Variants in PTPRE observed in about 807,000 individuals in gnomAD.
The protein encoded by PTPRE is receptor-type tyrosine-protein phosphatase epsilon.
A neutral mutation model predicts 102.0 loss-of-function variants in PTPRE; 51 were observed. That is an observed-to-expected ratio of 0.50 (90% CI 0.40 to 0.63). The LOEUF (loss-of-function observed/expected upper bound fraction) is 0.63. Among genes scored for constraint, PTPRE ranks in the 30% least tolerant of loss-of-function variants. The pLI is 0.00. For synonymous variants in PTPRE, 345 were observed against 348.2 expected (o/e 0.99, Z 0.10); for missense variants, 752 against 915.1 (o/e 0.82, Z 2.30).
chr10:128,061,186 G>A (rs1796874615), intron 8 of PTPRE, among the ~76,000 whole-genome samples, 171 bp downstream of exon 8: 2 of 152,166 alleles, frequency 1.3e-5, no homozygotes, highest in Admixed American at 1.3e-4. Flanking sequence ...CAGCATCTGG[G>A]AATTTGAATT....
intron 2 of PTPRE, among the ~76,000 whole-genome samples, chr10:127,993,206 A>C (rs1184457081): frequency 6.6e-6 from 1 of 152,200 alleles, no homozygotes; most frequent in Non-Finnish European, 1.5e-5. Flanking sequence ...ATCCCCAGGA[A>C]AGGGTTTTCT....
chr10:127,907,351 A>T lies in PTPRE; in HGVS notation c.-31+42A>T. ...ACAGGGACCCTGCGCCCCTGTGGGGAACTGTGCACCCCGGGAGGCCCAAGC... is the reference window on the plus strand; with the variant it reads ...ACAGGGACCCTGCGCCCCTGTGGGGTACTGTGCACCCCGGGAGGCCCAAGC... On this transcript the variant is annotated intron_variant, in intron 1 of 20. Transcript: ENST00000254667. The surrounding 1 kb of genome is among the most constrained non-coding windows in gnomAD (Gnocchi z 4.8). The T allele has an allele frequency of 1.0e-6, 1 of 983,442 alleles. No individual in the cohort carries two copies. The highest frequency in any genetic ancestry group is 1.2e-6 in the Non-Finnish European group (1 of 829,196). 60.9% of individuals were successfully genotyped at this position (983,442 alleles called of 1,614,324 possible). A position where few individuals can be genotyped will look rare whatever the true frequency, so the allele number is the denominator to read the frequency against.
chr10:127,960,735 C>T (rs930807264), intron 1 of PTPRE, among the ~76,000 whole-genome samples: 7 of 152,168 alleles, frequency 4.6e-5, no homozygotes, highest in African/African-American at 1.7e-4. Context: ...TCAAAAAATA[C>T]AGAAACAGCC....
At chr10:128,011,538 A>C (rs1428201830) in intron 2 of PTPRE, among the ~76,000 whole-genome samples, 1 of 152,132 alleles carries the variant, frequency 6.6e-6, no homozygotes, top group Non-Finnish European at 1.5e-5. Context: ...CTGGCATAGC[A>C]CCCGGGCTTC....
At chr10:127,931,547 T>C (rs1443565425) in intron 1 of PTPRE, among the ~76,000 whole-genome samples, 1 of 152,248 alleles carries the variant, frequency 6.6e-6, no homozygotes, top group African/African-American at 2.4e-5. Flanking sequence ...TGAAGAGGGA[T>C]TTCCAAATGC....
intron 6 of PTPRE, 52 bp from the exon 7 acceptor site, chr10:128,056,071 G>C: frequency 5.0e-6 from 7 of 1,394,984 alleles, no homozygotes; most frequent in Non-Finnish European, 7.1e-6. Context: ...ACTGACATGA[G>C]CATGGTGCTT....
intron 19 of PTPRE, among the ~76,000 whole-genome samples, chr10:128,078,876 A>G (rs902389228): frequency 6.6e-6 from 1 of 152,234 alleles, no homozygotes; most frequent in Non-Finnish European, 1.5e-5. Context: ...ATTATGGAGC[A>G]CAGAGGGCAG....
intron 1 of PTPRE, among the ~76,000 whole-genome samples, chr10:127,970,411 C>CA (rs1233255918): frequency 6.6e-6 from 1 of 152,106 alleles, no homozygotes; most frequent in Admixed American, 6.5e-5. Context: ...AATGTCCTCC[C>CA]ACCCTCTACC....
chr10:127,936,507 A>G (rs75203043), intron 1 of PTPRE, among the ~76,000 whole-genome samples: 7,209 of 152,220 alleles, frequency 0.047, 260 homozygotes, highest in Middle Eastern at 0.078. Flanking sequence ...CAGAATTTCC[A>G]GGGCCTCAAC....
chr10:127,964,577 G>A (rs552337312), intron 1 of PTPRE, among the ~76,000 whole-genome samples: 5 of 137,828 alleles, frequency 3.6e-5, no homozygotes, highest in African/African-American at 1.2e-4. Flanking sequence ...TTTTTTTTTC[G>A]CCCTTGACTA....
chr10:128,028,418 G>A lies in PTPRE; in HGVS notation c.-7-12457G>A, dbSNP rs1846444885. ...CCCCAGGCTGGAATTGCTGGGCCGT[G>A]ATCTCCTCCATCTTTTCTTTCTCCA... On this transcript the variant is annotated intron_variant, in intron 2 of 20. Transcript: ENST00000254667. This position sits in a 1 kb window ranked among gnomAD's most constrained non-coding sequence, Gnocchi z 4.5. Among the ~76,000 whole-genome samples the A allele has an allele frequency of 6.6e-6, 1 of 152,132 alleles. No individual in the cohort carries two copies. The highest frequency in any genetic ancestry group is 2.1e-4 in the South Asian group (1 of 4,832).
At position 127,944,026 on chromosome 10, in the gene PTPRE, G is replaced by C. The variant is rs1848437757; in HGVS notation, c.-31+36717G>C. 6.6e-6 allele frequency among the ~76,000 whole-genome samples: 1 copy of C among 152,196 alleles called. No individual in the cohort carries two copies. Among genetic ancestry groups the C allele is most frequent in the South Asian group, 2.1e-4 (1 of 4,824 alleles). ...TTGGCCCAACAAGTGGGGCATTTGT[G>C]CACGACAGAACCTAAGGGCACACAA... On this transcript the variant is annotated intron_variant, in intron 1 of 20. Transcript: ENST00000254667. The surrounding 1 kb of genome is among the most constrained non-coding windows in gnomAD (Gnocchi z 4.2).
chr10:128,071,253 C>A, intron 15 of PTPRE: 1 of 328,536 alleles, frequency 3.0e-6, no homozygotes, highest in Non-Finnish European at 5.8e-6. Flanking sequence ...CCTTGTCTCC[C>A]CAAGCCTGGG....
intron 1 of PTPRE, among the ~76,000 whole-genome samples, chr10:127,943,454 G>A (rs774327094): frequency 2.6e-5 from 4 of 152,136 alleles, no homozygotes; most frequent in Admixed American, 6.6e-5. Flanking sequence ...CTGTGCATGC[G>A]AGAACTTTCC....
intron 1 of PTPRE, among the ~76,000 whole-genome samples, chr10:127,920,965 G>C (rs1846555363): frequency 6.6e-6 from 1 of 152,216 alleles, no homozygotes. Flanking sequence ...CCTTGGCTCT[G>C]ACGAGCCAGG....
At chr10:127,933,648 A>C (rs1847605170) in intron 1 of PTPRE, among the ~76,000 whole-genome samples, 1 of 152,236 alleles carries the variant, frequency 6.6e-6, no homozygotes, top group African/African-American at 2.4e-5. Context: ...AAGCTATTTA[A>C]TTACAATATC....
At chr10:128,082,713 T>C (rs549166124) in intron 20 of PTPRE, 119 bp from the exon 21 acceptor site, 63 of 1,167,712 alleles carry the variant, frequency 5.4e-5, no homozygotes, top group African/African-American at 2.3e-4. Flanking sequence ...TGCATAAAGG[T>C]ATATGGTATT....
chr10:128,064,457 C>T (rs1849885258), intron 10 of PTPRE, among the ~76,000 whole-genome samples: 1 of 152,230 alleles, frequency 6.6e-6, no homozygotes, highest in Non-Finnish European at 1.5e-5. Flanking sequence ...TTCACTCTGC[C>T]TGCGCTGTAG....
chr10:127,973,082 T>C (rs1850881172), intron 1 of PTPRE, among the ~76,000 whole-genome samples: 1 of 152,252 alleles, frequency 6.6e-6, no homozygotes, highest in East Asian at 1.9e-4. Flanking sequence ...ATTACACTTT[T>C]GTTGCAGTAT....
Sources: allele counts gnomAD v4.1 joint callset (sites outside exome capture counted in the v4.1 genomes callset), GRCh38; gene constraint gnomAD v4.1.1; non-coding constraint Gnocchi (gnomAD v3.1); transcripts MANE v1.5; gene names NCBI Gene and HGNC (gene_info 2026-07-23, HGNC 2026-07-21).